The following CDK14 variants were observed in gnomAD, a reference collection of about 807,000 sequenced individuals.
CDK14 encodes cyclin-dependent kinase 14.
A neutral mutation model predicts 60.7 loss-of-function variants in CDK14; 34 were observed. That is an observed-to-expected ratio of 0.56 (90% CI 0.43 to 0.75). CDK14 has a LOEUF of 0.75. CDK14 is among the 30% of genes least tolerant of loss of function. CDK14 has a pLI of 0.00. For synonymous variants in CDK14, 197 were observed against 203.7 expected (o/e 0.97, Z 0.28); for missense variants, 482 against 564.1 (o/e 0.85, Z 1.47).
At chr7:91,069,424 T>C (rs1798072929) in intron 11 of CDK14, among the ~76,000 whole-genome samples, 1 of 151,968 alleles carries the variant, frequency 6.6e-6, no homozygotes, top group Non-Finnish European at 1.5e-5. Context: ...GCCTGTAGTC[T>C]CAGGTACTTG....
At position 90,794,737 on chromosome 7, in the gene CDK14, C is replaced by T. The variant is rs553771711; in HGVS notation, c.544+4085C>T. 6.2e-4 allele frequency among the ~76,000 whole-genome samples: 95 copies of T among 152,064 alleles called. No homozygotes were observed. The South Asian group carries it at 0.013, about 21-fold the overall frequency. On this transcript the variant is annotated intron_variant, in intron 5 of 14. Coordinates refer to ENST00000380050, the MANE Select transcript of CDK14 (RefSeq NM_001287135.2). ...ACACAATCATCACAGGGTCCTGAGG[C>T]GACATTCATCCTCAGCTTATGAAGA...
intron 6 of CDK14, among the ~76,000 whole-genome samples, chr7:90,880,802 G>C (rs1249724413): frequency 6.6e-6 from 1 of 152,048 alleles, no homozygotes; most frequent in Non-Finnish European, 1.5e-5. Context: ...GATGAATAGG[G>C]CCTGAAGTGA....
intron 14 of CDK14, among the ~76,000 whole-genome samples, chr7:91,135,344 G>A (rs1218338534): frequency 1.3e-5 from 2 of 152,146 alleles, no homozygotes; most frequent in Non-Finnish European, 2.9e-5. Flanking sequence ...GAAATATGCA[G>A]GGAATAGTTA....
At chr7:91,111,533 C>T (rs1799468150) in intron 12 of CDK14, among the ~76,000 whole-genome samples, 2 of 152,158 alleles carry the variant, frequency 1.3e-5, no homozygotes, top group South Asian at 4.1e-4. Flanking sequence ...ATGGCATATG[C>T]AAACCACTTT....
intron 13 of CDK14, among the ~76,000 whole-genome samples, chr7:91,114,291 C>G (rs1320827193): frequency 2.6e-5 from 4 of 152,146 alleles, no homozygotes; most frequent in Non-Finnish European, 2.9e-5. Context: ...CCACTTGCCA[C>G]TTAGTTTATC....
intron 10 of CDK14, among the ~76,000 whole-genome samples, chr7:91,010,871 CTCTT>C (rs1409007937): frequency 9.7e-6 from 1 of 103,362 alleles, no homozygotes; most frequent in Non-Finnish European, 1.9e-5. Flanking sequence ...CTCCCTCTCT[CTCTT>C]TCTTTTTTTT....
chr7:90,739,028 C>T (rs898005064), intron 3 of CDK14, among the ~76,000 whole-genome samples: 6 of 152,078 alleles, frequency 3.9e-5, no homozygotes, highest in Non-Finnish European at 8.8e-5. Flanking sequence ...ATAGGAGACT[C>T]ACTTTATAAG....
Position 90,705,383 on chromosome 7 carries a change from C to T in CDK14, c.124-21184C>T, listed in dbSNP as rs191505144. ...GATAGAAAAAAAGTAATTCTCTATC[C>T]CTTTCTTCAGTTCTTTTTTCCAGGT... On this transcript the variant is annotated intron_variant, in intron 2 of 14. Coordinates refer to ENST00000380050, the MANE Select transcript of CDK14 (RefSeq NM_001287135.2). Among the ~76,000 whole-genome samples, 3 of 152,090 alleles carry T rather than the reference C, an allele frequency of 2.0e-5. No individual in the cohort carries two copies. The East Asian group carries it at 5.8e-4, about 29-fold the overall frequency.
At position 90,856,196 on chromosome 7, in the gene CDK14, G is replaced by A. The variant is rs181504874; in HGVS notation, c.545-6979G>A. On this transcript the variant is annotated intron_variant, in intron 5 of 14. Transcript: ENST00000380050. ...CAAAAAACATCTCTAAATCCTGAAT[G>A]TGATTTTAGCTAAATTAAGGATTAC... 3.9e-5 allele frequency among the ~76,000 whole-genome samples: 6 copies of A among 152,256 alleles called. No individual in the cohort carries two copies. In the East Asian group the frequency reaches 7.7e-4, roughly 20 times the overall value.
At chr7:91,192,933 C>T (rs953884726) in intron 14 of CDK14, among the ~76,000 whole-genome samples, 5 of 152,136 alleles carry the variant, frequency 3.3e-5, no homozygotes, top group Admixed American at 6.6e-5. Context: ...TAGCCTGATC[C>T]GGGTTTCTCC....
At chr7:91,176,864 G>A (rs895400711) in intron 14 of CDK14, among the ~76,000 whole-genome samples, 7 of 152,068 alleles carry the variant, frequency 4.6e-5, no homozygotes, top group Admixed American at 6.6e-5. Context: ...ATTCACAGCC[G>A]AATTCTACCA....
At chr7:90,815,343 A>G (rs1377696915) in intron 5 of CDK14, among the ~76,000 whole-genome samples, 1 of 152,242 alleles carries the variant, frequency 6.6e-6, no homozygotes, top group Non-Finnish European at 1.5e-5. Flanking sequence ...GTCATTATAT[A>G]AATGTAAATC....
At chr7:90,856,136 T>G (rs554414668) in intron 5 of CDK14, among the ~76,000 whole-genome samples, 42 of 152,262 alleles carry the variant, frequency 2.8e-4, no homozygotes, top group Middle Eastern at 3.4e-3. Flanking sequence ...TAACCTGTTG[T>G]ATTACCTTTC....
At chr7:90,699,145 G>T (rs1341299630) in intron 2 of CDK14, among the ~76,000 whole-genome samples, 1 of 152,224 alleles carries the variant, frequency 6.6e-6, no homozygotes, top group Non-Finnish European at 1.5e-5. Context: ...TACTGGAGAA[G>T]AATTGACAGG....
chr7:90,652,351 A>G (rs17868896), intron 2 of CDK14, among the ~76,000 whole-genome samples: 4,935 of 152,336 alleles, frequency 0.032, 119 homozygotes, highest in South Asian at 0.052. Context: ...AGAGGAAAAT[A>G]GCTACTGATT....
intron 14 of CDK14, among the ~76,000 whole-genome samples, chr7:91,152,148 T>C (rs544583455): frequency 3.7e-4 from 56 of 152,320 alleles, no homozygotes; most frequent in Non-Finnish European, 6.8e-4. Flanking sequence ...TAGTGTTGTG[T>C]CTTGTGAATC....
chr7:90,967,203 A>AAGG (rs1562849241), intron 9 of CDK14, among the ~76,000 whole-genome samples: 1 of 137,338 alleles, frequency 7.3e-6, no homozygotes, highest in African/African-American at 2.7e-5. Flanking sequence ...AGGAAGGAAG[A>AAGG]AAGGAAGGAA....
intron 14 of CDK14, among the ~76,000 whole-genome samples, chr7:91,179,515 A>AC (rs1801920222): frequency 6.6e-6 from 1 of 151,206 alleles, no homozygotes; most frequent in Non-Finnish European, 1.5e-5. Context: ...TAAAAAAAAA[A>AC]AATGCAGCCC....
chr7:91,044,079 A>G (rs556286112), intron 10 of CDK14, among the ~76,000 whole-genome samples: 19 of 152,360 alleles, frequency 1.2e-4, no homozygotes, highest in African/African-American at 4.3e-4. Context: ...GCCAAATATA[A>G]GTGACCAATG....
Sources: allele counts gnomAD v4.1 joint callset (sites outside exome capture counted in the v4.1 genomes callset), GRCh38; gene constraint gnomAD v4.1.1; transcripts MANE v1.5; gene names NCBI Gene and HGNC (gene_info 2026-07-23, HGNC 2026-07-21).